P3H1: variants seen among roughly 807,000 people sequenced by gnomAD.
The protein encoded by P3H1 is growth suppressor 1.
A neutral mutation model predicts 84.0 loss-of-function variants in P3H1; 69 were observed. The ratio of observed to expected loss-of-function variants is 0.82; its 90% CI spans 0.68 to 1.00. The LOEUF (loss-of-function observed/expected upper bound fraction) is 1.00. P3H1 is among the 50% of genes least tolerant of loss of function. The pLI is 0.00. For synonymous variants in P3H1, 366 were observed against 388.8 expected (o/e 0.94, Z 0.69); for missense variants, 878 against 962.8 (o/e 0.91, Z 1.17).
Position 42,755,212 on chromosome 1 carries a change from T to G in P3H1, c.1176A>C (p.Ser392=). The part of the protein sequence containing the change: ...VFGIPFVDPD[S]WTPEEVIPKR... Reference sequence around the variant, plus strand: ...TGGGAATCACTTCTTCTGGAGTCCATGAATCCTAAGTAGGTCAGGAAGAAA... The same window carrying G: ...TGGGAATCACTTCTTCTGGAGTCCAGGAATCCTAAGTAGGTCAGGAAGAAA... Residue 392 remains serine (S), a synonymous_variant, in exon 7 of 15, where the codon TCA becomes TCC. Coordinates refer to ENST00000296388, the MANE Select transcript of P3H1 (RefSeq NM_022356.4). 1 of 1,614,026 alleles carries G rather than the reference T, an allele frequency of 6.2e-7. No individual in the cohort carries two copies. Among genetic ancestry groups the G allele is most frequent in the Non-Finnish European group, 8.5e-7 (1 of 1,179,858 alleles).
Position 42,758,846 on chromosome 1 carries a change from C to A in P3H1, c.940+6G>T. ...GCAGAGAAAGAGGAAGGAAAGTAGG[C>A]CTTACTGTTATAGTAGGCAAACTGC... On this transcript the variant is annotated splice_donor_region_variant and intron_variant, in intron 4 of 14. Transcript: ENST00000296388. 6.2e-7 allele frequency: 1 copy of A among 1,614,098 alleles called. No individual in the cohort carries two copies.
In P3H1 at chr1:42,754,792, C is replaced by G; in HGVS notation, c.1345+77G>C. On this transcript the variant is annotated intron_variant, in intron 8 of 14. Coordinates refer to ENST00000296388, the MANE Select transcript of P3H1 (RefSeq NM_022356.4). The surrounding 1 kb of genome is among the most constrained non-coding windows in gnomAD (Gnocchi z 4.0). ...TGAGCTCTGCAATGCTGGGGTGGAGCGCTGCCTGGCAAATGTGGGGTGACC... is the reference window on the plus strand; with the variant it reads ...TGAGCTCTGCAATGCTGGGGTGGAGGGCTGCCTGGCAAATGTGGGGTGACC... 2 of 1,598,586 alleles carry G rather than the reference C, an allele frequency of 1.3e-6. No homozygotes were observed. The highest frequency in any genetic ancestry group is 4.5e-5 in the East Asian group (2 of 44,656).
At chr1:42,751,543 A>C (rs1652076805) in intron 10 of P3H1, 1 of 143,814 alleles carries the variant, frequency 7.0e-6, no homozygotes, top group Non-Finnish European at 1.5e-5. Context: ...CCCCTCTGCG[A>C]GAAACACCCA....
chr1:42,750,101 C>T (rs1020513405), intron 11 of P3H1, 85 bp downstream of exon 11: 165 of 1,499,990 alleles, frequency 1.1e-4, no homozygotes, highest in East Asian at 2.2e-4. Flanking sequence ...GGGACCGCAT[C>T]CTGTTCTCTC....
chr1:42,748,188 C>T lies in P3H1; in HGVS notation c.1838+12G>A. The T allele has an allele frequency of 6.3e-7, 1 of 1,599,850 alleles. No individual in the cohort carries two copies. Among genetic ancestry groups the T allele is most frequent in the Non-Finnish European group, 8.6e-7 (1 of 1,168,232 alleles). On this transcript the variant is annotated intron_variant, in intron 12 of 14. Transcript: ENST00000296388. ...CACAGACCTCCTCACCCTGCACCTG[C>T]CCCGCACTCACCTGTAGTCGCGGAA...
Position 42,757,816 on chromosome 1 carries a change from T to G in P3H1, c.1047A>C (p.Gly349=). ...QNLAYYAAML[G]EEHTRSIGPR... is the part of the protein sequence containing the mutation. ...GGCCGATGGATCTGGTGTGTTCTTC[T>G]CCAAGCATAGCTGCATAATAGGCCA... Residue 349 remains glycine (G), a synonymous_variant, in exon 5 of 15, where the codon GGA becomes GGC. Transcript: ENST00000296388. 6.2e-7 allele frequency: 1 copy of G among 1,614,224 alleles called. No homozygotes were observed.
rs201036797 is a variant in P3H1 at position 42,750,261 on chromosome 1, T to C, written c.1645A>G (p.Met549Val). 3.5e-5 allele frequency: 57 copies of C among 1,613,930 alleles called. No individual in the cohort carries two copies. The East Asian group carries it at 9.8e-4, about 28-fold the overall frequency. Residue 549 changes from methionine (M) to valine (V), a missense_variant, in exon 11 of 15, where the codon ATG (methionine) becomes GTG (valine). Physicochemically the swap from Met to Val is conservative, Grantham distance 21. Transcript: ENST00000296388. ...YNVTEKVRRI[M>V]ESYFRLDTPL... The stretch of plus-strand genomic sequence containing the variant: ...GTATCCAGGCGGAAGTAGGACTCCA[T>C]GATGCGCCGCACCTTCTCCGTCACG...
At chr1:42,751,258 T>G (rs957166538) in intron 10 of P3H1, among the ~76,000 whole-genome samples, 1 of 96,042 alleles carries the variant, frequency 1.0e-5, no homozygotes, top group Non-Finnish European at 2.1e-5. Flanking sequence ...CCTGTTGATC[T>G]GTGACCTTAT....
intron 7 of P3H1, 25 bp downstream of exon 7, chr1:42,755,140 C>T (rs757510281): frequency 6.2e-7 from 1 of 1,613,634 alleles, no homozygotes; most frequent in Non-Finnish European, 8.5e-7. Context: ...CTGATCCAAC[C>T]ATGCAGTTTC....
rs199977451 is a variant in P3H1, at chr1:42,759,194, C to T, written c.808+7G>A. The T allele has an allele frequency of 1.3e-4, 203 of 1,614,178 alleles. No individual in the cohort carries two copies. In the South Asian group the frequency reaches 2.2e-3, roughly 17 times the overall value. ...TGGCTGAAGGTCTGGCTCTGAACTG[C>T]ACGCACCTGTGATGGCCTGGAAGAG... On this transcript the variant is annotated splice_region_variant and intron_variant, in intron 3 of 14. Coordinates refer to ENST00000296388, the MANE Select transcript of P3H1 (RefSeq NM_022356.4).
intron 2 of P3H1, 93 bp from the exon 3 acceptor site, chr1:42,759,483 G>T: frequency 9.2e-7 from 1 of 1,091,144 alleles, no homozygotes; most frequent in Non-Finnish European, 1.4e-6. Flanking sequence ...CTAATTTCCT[G>T]TTCCTCAGGT....
chr1:42,752,772 T>A, intron 8 of P3H1, 108 bp from the exon 9 acceptor site: 1 of 1,408,390 alleles, frequency 7.1e-7, no homozygotes, highest in Non-Finnish European at 9.8e-7. Context: ...CTGTTTCCTT[T>A]TCACCAGCAA....
chr1:42,759,140 A>T (rs1016087776), intron 3 of P3H1, 61 bp downstream of exon 3: 9 of 1,586,040 alleles, frequency 5.7e-6, no homozygotes, highest in Non-Finnish European at 7.8e-6. Context: ...TTATATTATC[A>T]GATGGTGACC....
At chr1:42,761,167 AC>A (rs1291174358) in intron 2 of P3H1, 3 of 150,596 alleles carry the variant, frequency 2.0e-5, no homozygotes, top group Non-Finnish European at 4.4e-5. Flanking sequence ...ATGGGGTTTC[AC>A]CATATTGGCC....
At chr1:42,762,528 T>C in intron 1 of P3H1, 53 bp from the exon 2 acceptor site, 1 of 1,597,030 alleles carries the variant, frequency 6.3e-7, no homozygotes, top group Non-Finnish European at 8.6e-7. Flanking sequence ...TCTCTGAACG[T>C]TTGTGTCCAC....
At chr1:42,755,721 C>A (rs1652372264) in intron 5 of P3H1, 84 bp from the exon 6 acceptor site, 4 of 987,400 alleles carry the variant, frequency 4.1e-6, no homozygotes, top group South Asian at 3.9e-5. Flanking sequence ...GCACCCCACA[C>A]TGATGCTCCC....
intron 10 of P3H1, among the ~76,000 whole-genome samples, chr1:42,750,656 GGGT>G (rs1651999785): frequency 8.1e-6 from 1 of 122,712 alleles, no homozygotes; most frequent in African/African-American, 3.9e-5. Context: ...AGGCCGGGGG[GGGT>G]GGTCGGCCAG....
At chr1:42,748,414 T>G (rs968623660) in intron 11 of P3H1, 97 bp from the exon 12 acceptor site, 2 of 920,938 alleles carry the variant, frequency 2.2e-6, no homozygotes, top group Non-Finnish European at 3.6e-6. Flanking sequence ...TGTGTTTGAG[T>G]CTACGGAATG....
Position 42,762,616 on chromosome 1 carries a change from G to A in P3H1, c.466-141C>T, listed in dbSNP as rs1652781560. 5.9e-6 allele frequency: 5 copies of A among 849,512 alleles called. No individual in the cohort carries two copies. The South Asian group carries it at 6.9e-5, about 12-fold the overall frequency. The allele number at this position is 849,512 out of a possible 1,614,324, so 52.6% of individuals were successfully genotyped here. ...GCGTGCCCAGCCCCTGCCAGCCCCA[G>A]GAAGCACACCTATTGCAGGAACTAC... is the stretch of plus-strand genomic sequence containing the variant. On this transcript the variant is annotated intron_variant, in intron 1 of 14. Coordinates refer to ENST00000296388, the MANE Select transcript of P3H1 (RefSeq NM_022356.4).
Sources: gnomAD v4.1 joint callset for allele counts (sites outside exome capture counted in the v4.1 genomes callset) on GRCh38, gnomAD v4.1.1 for gene constraint, Gnocchi (gnomAD v3.1) non-coding constraint, MANE v1.5 for transcripts, NCBI Gene and HGNC (gene_info 2026-07-23, HGNC 2026-07-21) for gene names.